N4BP2L2: variants seen among roughly 807,000 people sequenced by gnomAD.
N4BP2L2 encodes the protein NEDD4-binding protein 2-like 2.
Under a neutral mutation model 56.2 loss-of-function variants are expected in N4BP2L2, and 50 were observed. The ratio of observed to expected loss-of-function variants is 0.89; its 90% confidence interval spans 0.71 to 1.13. N4BP2L2 has a LOEUF of 1.13. Ranked by LOEUF, N4BP2L2 falls within the 50% of genes most tolerant of loss-of-function variation. The pLI is 0.00. For synonymous variants in N4BP2L2, 203 were observed against 223.6 expected, an observed-to-expected ratio of 0.91 and a Z score of 0.82; for missense variants, 689 against 693.8, an observed-to-expected ratio of 0.99 and a Z score of 0.08.
chr13:32,443,898 A>G, exon 7 of N4BP2L2: 3 of 1,571,926 alleles, frequency 1.9e-6, no homozygotes, highest in Non-Finnish European at 2.6e-6. Flanking sequence ...CTCCGACTTC[A>G]TTTTGTAGAC....
At chr13:32,443,045 T>G in exon 7 of N4BP2L2, 1 of 1,607,686 alleles carries the variant, frequency 6.2e-7, no homozygotes, top group South Asian at 1.1e-5. Flanking sequence ...AAGTCAAAAT[T>G]TGGTACCAAA....
intron 6 of N4BP2L2, among the ~76,000 whole-genome samples, chr13:32,500,162 A>G (rs1180163712): frequency 6.6e-6 from 1 of 152,114 alleles, no homozygotes; most frequent in Admixed American, 6.5e-5. Flanking sequence ...TCGGTGCCTT[A>G]GCGGTCTACC....
At chr13:32,464,497 G>T (rs149188552) in intron 6 of N4BP2L2, among the ~76,000 whole-genome samples, 14 of 152,288 alleles carry the variant, frequency 9.2e-5, no homozygotes, top group African/African-American at 3.4e-4. Flanking sequence ...AACAGGAGAA[G>T]CCTCAACAGC....
chr13:32,510,497 ATTTTTTTTT>A (rs35351127), exon 6 of N4BP2L2: 1 of 124,612 alleles, frequency 8.0e-6, no homozygotes, highest in Non-Finnish European at 1.7e-5. Context: ...AACTCTATCA[ATTTTTTTTT>A]TTTTTTTTTT....
intron 6 of N4BP2L2, among the ~76,000 whole-genome samples, chr13:32,461,753 C>A (rs1182316740): frequency 6.6e-6 from 1 of 152,102 alleles, no homozygotes; most frequent in Non-Finnish European, 1.5e-5. Flanking sequence ...CAGGTGTGCA[C>A]CGTCATGCCT....
At chr13:32,482,798 C>A (rs1312133223) in intron 6 of N4BP2L2, among the ~76,000 whole-genome samples, 2 of 152,164 alleles carry the variant, frequency 1.3e-5, no homozygotes, top group Admixed American at 1.3e-4. Context: ...TAAAAGTTTT[C>A]ATGTTATTTC....
intron 2 of N4BP2L2, among the ~76,000 whole-genome samples, chr13:32,533,895 C>G (rs571759794): frequency 1.2e-4 from 18 of 152,262 alleles, no homozygotes; most frequent in African/African-American, 4.3e-4. Context: ...TAACCAACAC[C>G]AGTTCACTCA....
chr13:32,519,668 A>C (rs2050247852), intron 5 of N4BP2L2, among the ~76,000 whole-genome samples: 2 of 152,012 alleles, frequency 1.3e-5, no homozygotes, highest in Non-Finnish European at 2.9e-5. Flanking sequence ...AAAAATAAAA[A>C]AAGATCACTA....
chr13:32,433,268 C>T (rs1353126685), intron 9 of N4BP2L2, among the ~76,000 whole-genome samples: 1 of 152,210 alleles, frequency 6.6e-6, no homozygotes, highest in East Asian at 1.9e-4. Flanking sequence ...AATGTGTTAA[C>T]ATGTTTACTG....
chr13:32,519,217 T>C (rs758397703), intron 5 of N4BP2L2, among the ~76,000 whole-genome samples: 5 of 145,880 alleles, frequency 3.4e-5, no homozygotes, highest in Non-Finnish European at 7.5e-5. Context: ...GAGCCCAGTG[T>C]AGGCAATATG....
intron 6 of N4BP2L2, among the ~76,000 whole-genome samples, chr13:32,464,939 C>T (rs2080945430): frequency 6.6e-6 from 1 of 151,430 alleles, no homozygotes; most frequent in African/African-American, 2.4e-5. Context: ...TCATCCAATA[C>T]CAAGTGTTAA....
intron 3 of N4BP2L2, chr13:32,524,923 T>C (rs1451308449): frequency 6.6e-6 from 1 of 152,170 alleles, no homozygotes; most frequent in Non-Finnish European, 1.5e-5. Flanking sequence ...CCACCACACC[T>C]GGCTAATTTT....
chr13:32,463,388 G>A (rs1464624146), intron 6 of N4BP2L2, among the ~76,000 whole-genome samples: 1 of 152,172 alleles, frequency 6.6e-6, no homozygotes, highest in African/African-American at 2.4e-5. Flanking sequence ...CATAGGCCAG[G>A]TGGGGTGGAT....
At chr13:32,434,181 A>G (rs2075180122) in intron 9 of N4BP2L2, among the ~76,000 whole-genome samples, 2 of 149,128 alleles carry the variant, frequency 1.3e-5, no homozygotes, top group Admixed American at 1.3e-4. Context: ...GGTTCAAACA[A>G]TTCTCCTGCC....
intron 6 of N4BP2L2, chr13:32,446,597 G>C: frequency 8.8e-7 from 1 of 1,136,104 alleles, no homozygotes. Context: ...TGATTCTGTG[G>C]AGTTTAATGC....
chr13:32,480,664 G>T, intron 6 of N4BP2L2: 1 of 1,271,100 alleles, frequency 7.9e-7, no homozygotes, highest in South Asian at 1.3e-5. Flanking sequence ...CATTTAGATT[G>T]TGCTTCACAA....
intron 1 of N4BP2L2, 121 bp downstream of exon 1, chr13:32,538,497 G>T (rs1347291027): frequency 1.1e-5 from 6 of 560,510 alleles, no homozygotes; most frequent in Non-Finnish European, 1.4e-5. Context: ...TCTCTGAGGC[G>T]CAAAAGTTCA....
At position 32,536,249 on chromosome 13, in the gene N4BP2L2, G is replaced by C. The variant is rs541610724; in HGVS notation, c.779C>G (p.Ser260Ter). Residue 260 changes from serine (S) to a stop codon, truncating the protein, a stop_gained, in exon 2 of 6, where the codon TCA becomes TGA. Coordinates refer to ENST00000267068, the Ensembl canonical transcript of N4BP2L2. LOFTEE classifies it high-confidence loss of function. ...CCATTCAGGCCTGAAAGAAGTAAAT[G>C]AAGTGTCACAAAATGTAGGTATTAC... 6.2e-7 allele frequency: 1 copy of C among 1,613,668 alleles called. No homozygotes were observed. The highest frequency in any genetic ancestry group is 1.1e-5 in the South Asian group (1 of 91,060).
chr13:32,471,063 C>T (rs1319893607), intron 6 of N4BP2L2, among the ~76,000 whole-genome samples: 1 of 152,172 alleles, frequency 6.6e-6, no homozygotes, highest in Non-Finnish European at 1.5e-5. Flanking sequence ...TGATGATCAA[C>T]AAGGAGGTGA....
Sources: allele counts gnomAD v4.1 joint callset (sites outside exome capture counted in the v4.1 genomes callset), GRCh38; gene constraint gnomAD v4.1.1; transcripts MANE v1.5; gene names NCBI Gene and HGNC (gene_info 2026-07-23, HGNC 2026-07-21).